The following KHDRBS2 variants were observed in gnomAD, a reference collection of about 807,000 sequenced individuals.
KHDRBS2 encodes the protein KH domain-containing, RNA-binding, signal transduction-associated protein 2.
A neutral mutation model predicts 44.3 loss-of-function variants in KHDRBS2; 26 were observed. The observed-to-expected ratio is 0.59, with a 90% CI of 0.43 to 0.81. The LOEUF (loss-of-function observed/expected upper bound fraction) is 0.81. Ranked by LOEUF, KHDRBS2 falls within the 40% of genes least tolerant of loss-of-function variation. KHDRBS2 has a pLI of 0.00. For missense variants in KHDRBS2, 476 were observed against 433.1 expected, an observed-to-expected ratio of 1.10 and a Z score of -0.88; for synonymous variants, 194 against 151.1, an observed-to-expected ratio of 1.28 and a Z score of -2.08.
chr6:62,064,928 T>C (rs1408716922), intron 2 of KHDRBS2, among the ~76,000 whole-genome samples: 2 of 150,728 alleles, frequency 1.3e-5, no homozygotes, highest in East Asian at 3.9e-4. Context: ...CTCAAACAAA[T>C]TTACAAGAAA....
chr6:61,669,727 A>G, the KHDRBS2 span, among the ~76,000 whole-genome samples: 846 of 151,122 alleles, frequency 5.6e-3, 10 homozygotes, highest in African/African-American at 0.019. Context: ...TTCTATGAGT[A>G]TGTACTATTA....
At chr6:61,867,251 G>C (rs1232510940) in intron 6 of KHDRBS2, among the ~76,000 whole-genome samples, 1 of 152,206 alleles carries the variant, frequency 6.6e-6, no homozygotes, top group African/African-American at 2.4e-5. Context: ...TGTCTTACAT[G>C]TATGGCAGCA....
intron 7 of KHDRBS2, among the ~76,000 whole-genome samples, chr6:61,718,261 T>C (rs1771771740): frequency 6.6e-6 from 1 of 152,052 alleles, no homozygotes; most frequent in Non-Finnish European, 1.5e-5. Context: ...TGCGAGGGGT[T>C]TGAGAACCTA....
chr6:62,153,446 T>C (rs1008662372), intron 2 of KHDRBS2, among the ~76,000 whole-genome samples: 1 of 152,178 alleles, frequency 6.6e-6, no homozygotes, highest in African/African-American at 2.4e-5. Flanking sequence ...ATTCATATTA[T>C]GACAAAATAG....
chr6:61,935,281 C>T (rs1209744587), intron 4 of KHDRBS2, among the ~76,000 whole-genome samples: 1 of 152,154 alleles, frequency 6.6e-6, no homozygotes, highest in African/African-American at 2.4e-5. Context: ...ATGTTTAAAG[C>T]TCATTTATCC....
intron 2 of KHDRBS2, among the ~76,000 whole-genome samples, chr6:62,054,340 G>A (rs1187992749): frequency 6.6e-6 from 1 of 151,986 alleles, no homozygotes; most frequent in Non-Finnish European, 1.5e-5. Flanking sequence ...TAGACAAATA[G>A]AGCAATGGAA....
At chr6:62,030,918 T>A (rs1784228024) in intron 3 of KHDRBS2, among the ~76,000 whole-genome samples, 2 of 152,142 alleles carry the variant, frequency 1.3e-5, no homozygotes, top group South Asian at 4.1e-4. Context: ...AGTAAATAAA[T>A]CGTGGTATAG....
At chr6:61,595,760 T>A in the KHDRBS2 span, among the ~76,000 whole-genome samples, 108 of 152,004 alleles carry the variant, frequency 7.1e-4, no homozygotes, top group African/African-American at 2.4e-3. Context: ...AGCTTTATGA[T>A]ATAAAACGAT....
chr6:62,143,768 G>T (rs1428090798), intron 2 of KHDRBS2, among the ~76,000 whole-genome samples: 1 of 151,802 alleles, frequency 6.6e-6, no homozygotes, highest in East Asian at 1.9e-4. Flanking sequence ...GTGCAGAGTA[G>T]GATTACTGAC....
At chr6:61,930,137 C>A (rs1051503361) in intron 4 of KHDRBS2, among the ~76,000 whole-genome samples, 39 of 152,078 alleles carry the variant, frequency 2.6e-4, no homozygotes, top group Non-Finnish European at 4.7e-4. Context: ...TCAGACCCTG[C>A]AGAGGATGCT....
chr6:61,809,002 G>A (rs1167226148), intron 6 of KHDRBS2, among the ~76,000 whole-genome samples: 1 of 151,672 alleles, frequency 6.6e-6, no homozygotes, highest in African/African-American at 2.4e-5. Context: ...TTATTTCCAT[G>A]ATTGAAATAA....
chr6:61,931,123 C>T (rs1411110783), intron 4 of KHDRBS2, among the ~76,000 whole-genome samples: 2 of 151,956 alleles, frequency 1.3e-5, no homozygotes, highest in South Asian at 2.1e-4. Flanking sequence ...GAAAAAAATA[C>T]TTATATTTTG....
chr6:61,874,165 A>G (rs1355833299), intron 6 of KHDRBS2, among the ~76,000 whole-genome samples: 2 of 152,136 alleles, frequency 1.3e-5, no homozygotes. Context: ...GAATTTATTC[A>G]TTTGAAGACT....
At chr6:61,626,737 C>T in the KHDRBS2 span, among the ~76,000 whole-genome samples, 1 of 152,194 alleles carries the variant, frequency 6.6e-6, no homozygotes, top group South Asian at 2.1e-4. Flanking sequence ...TTTTCCTATG[C>T]ATACTGTCTT....
At chr6:61,769,638 G>A (rs973993036) in intron 6 of KHDRBS2, among the ~76,000 whole-genome samples, 70 of 151,978 alleles carry the variant, frequency 4.6e-4, no homozygotes, top group Admixed American at 4.1e-3. Context: ...GGGGGGCGGC[G>A]CCCGCCATTG....
chr6:62,071,065 T>G (rs1396633672), intron 2 of KHDRBS2, among the ~76,000 whole-genome samples: 1 of 152,226 alleles, frequency 6.6e-6, no homozygotes, highest in African/African-American at 2.4e-5. Flanking sequence ...ATTGTGGTTT[T>G]GATTTGCATT....
chr6:61,783,093 T>A (rs1390508686), intron 6 of KHDRBS2, among the ~76,000 whole-genome samples: 1 of 152,016 alleles, frequency 6.6e-6, no homozygotes, highest in Non-Finnish European at 1.5e-5. Flanking sequence ...AATAATTGAG[T>A]ACAGTACTTG....
chr6:61,770,255 T>C (rs1780654620), intron 6 of KHDRBS2, among the ~76,000 whole-genome samples: 1 of 152,030 alleles, frequency 6.6e-6, no homozygotes, highest in South Asian at 2.1e-4. Context: ...GCAGAAAAAC[T>C]GGAAACTCTA....
intron 6 of KHDRBS2, among the ~76,000 whole-genome samples, chr6:61,810,671 G>T (rs1395567762): frequency 6.6e-6 from 1 of 151,866 alleles, no homozygotes; most frequent in Admixed American, 6.6e-5. Context: ...CATTTAAAAA[G>T]AAAATAAAGA....
Sources: allele counts gnomAD v4.1 joint callset (sites outside exome capture counted in the v4.1 genomes callset), GRCh38; gene constraint gnomAD v4.1.1; transcripts MANE v1.5; gene names NCBI Gene and HGNC (gene_info 2026-07-23, HGNC 2026-07-21).